The following TEX14 variants were observed in gnomAD, a reference collection of about 807,000 sequenced individuals.
TEX14 encodes the protein inactive serine/threonine-protein kinase TEX14.
A neutral mutation model predicts 178.6 loss-of-function variants in TEX14; 168 were observed. That is an observed-to-expected ratio of 0.94 (90% confidence interval 0.83 to 1.07). TEX14 has a LOEUF of 1.07. Ranked by LOEUF, TEX14 falls within the 50% of genes least tolerant of loss-of-function variation. The probability of loss-of-function intolerance (pLI) is 0.00; values close to 1 mark genes in which losing one functional copy is unlikely to be tolerated. For synonymous variants in TEX14, 626 were observed against 634.1 expected (o/e 0.99, Z 0.19); for missense variants, 1,730 against 1,753.6 (o/e 0.99, Z 0.24).
chr17:58,608,530 C>A (rs1375024408), intron 10 of TEX14, among the ~76,000 whole-genome samples: 1 of 152,152 alleles, frequency 6.6e-6, no homozygotes, highest in Non-Finnish European at 1.5e-5. Context: ...GAGCCGAGAT[C>A]GTGCCACTGC....
intron 19 of TEX14, chr17:58,581,534 A>G (rs1466788512): frequency 1.3e-6 from 2 of 1,513,968 alleles, no homozygotes; most frequent in African/African-American, 1.4e-5. Context: ...TTGATATGTA[A>G]GCTATTTTTC....
chr17:58,655,611 C>T (rs1251151872), intron 1 of TEX14, among the ~76,000 whole-genome samples: 1 of 152,156 alleles, frequency 6.6e-6, no homozygotes, highest in Non-Finnish European at 1.5e-5. Flanking sequence ...TGAGCCACCG[C>T]ACCTGGCCAA....
rs776809470 is a variant in TEX14, at chr17:58,561,610, G to A, written c.4067C>T (p.Ala1356Val). The change falls in exon 29 of 32, where the codon GCT becomes GTT. Residue 1356 changes from alanine to valine, a missense_variant and splice_region_variant. Ala to Val is a moderately conservative substitution (Grantham distance 64). Coordinates refer to ENST00000349033, the MANE Select transcript of TEX14 (RefSeq NM_031272.5). ...CAGGTCCTCATCCAGAGTAGAGTGA[G>A]CTCTGTTTAAGGACAAGTGAAGAGA... is the stretch of plus-strand genomic sequence containing the variant. ...TEDLGEDTER[A>V]HSTLDEDLER... The A allele has an allele frequency of 6.2e-6, 10 of 1,609,998 alleles. No homozygotes were observed. Among genetic ancestry groups the A allele is most frequent in the Non-Finnish European group, 8.5e-6 (10 of 1,176,248 alleles).
At chr17:58,558,404 G>A (rs116372638) in intron 30 of TEX14, among the ~76,000 whole-genome samples, 1 of 152,312 alleles carries the variant, frequency 6.6e-6, no homozygotes, top group African/African-American at 2.4e-5. Context: ...CGCACTTGTG[G>A]AGAGACACCA....
At chr17:58,613,573 G>A in intron 8 of TEX14, 29 bp from the exon 9 acceptor site, 2 of 1,612,226 alleles carry the variant, frequency 1.2e-6, no homozygotes, top group Non-Finnish European at 1.7e-6. Flanking sequence ...TTCAGATAAG[G>A]CAGGTGAGAG....
At chr17:58,583,696 C>T (rs954880973) in intron 19 of TEX14, among the ~76,000 whole-genome samples, 3 of 152,156 alleles carry the variant, frequency 2.0e-5, no homozygotes, top group African/African-American at 2.4e-5. Flanking sequence ...TCCTGGCCTC[C>T]GGCAGACATT....
chr17:58,644,689 C>T (rs2046657110), intron 2 of TEX14, among the ~76,000 whole-genome samples: 1 of 133,628 alleles, frequency 7.5e-6, no homozygotes, highest in African/African-American at 2.9e-5. Flanking sequence ...CTCTTTTGCC[C>T]AGGCTAGAGT....
chr17:58,678,347 A>G (rs544019052), intron 1 of TEX14, among the ~76,000 whole-genome samples: 1 of 152,312 alleles, frequency 6.6e-6, no homozygotes, highest in South Asian at 2.1e-4. Context: ...AGGATTATAA[A>G]TCATGCTACT....
chr17:58,592,336 T>C (rs1293471469), intron 15 of TEX14, among the ~76,000 whole-genome samples: 1 of 151,122 alleles, frequency 6.6e-6, no homozygotes, highest in Non-Finnish European at 1.5e-5. Context: ...TTCGAGTGAT[T>C]CTTTTTTTTT....
At position 58,630,546 on chromosome 17, in the gene TEX14, C is replaced by T; in HGVS notation, c.145G>A (p.Val49Ile). 6.2e-7 allele frequency: 1 copy of T among 1,611,724 alleles called. No individual in the cohort carries two copies. The highest frequency in any genetic ancestry group is 8.5e-7 in the Non-Finnish European group (1 of 1,177,952). Residue 49 changes from valine (V) to isoleucine (I), a missense_variant, in exon 3 of 32, where the codon GTT (valine) becomes ATT (isoleucine). Physicochemically the swap from Val to Ile is conservative, Grantham distance 29. Around this residue, in one of 2 missense-constraint regions of TEX14, gnomAD observed 789 missense variants for 681.2 expected, o/e 1.16. Coordinates refer to ENST00000349033, the MANE Select transcript of TEX14 (RefSeq NM_031272.5). ...VKKILKKGIY[V>I]DAVNSLGQTA... Reference sequence around the variant, plus strand: ...TGGCCCAAGGAGTTAACTGCATCAACATAAATTCCTGCAAAGGAAATATCA... The same window carrying T: ...TGGCCCAAGGAGTTAACTGCATCAATATAAATTCCTGCAAAGGAAATATCA...
chr17:58,605,034 G>T lies in TEX14; in HGVS notation c.1280C>A (p.Ala427Asp). 1 of 1,614,114 alleles carries T rather than the reference G, an allele frequency of 6.2e-7. No individual in the cohort carries two copies. The highest frequency in any genetic ancestry group is 8.5e-7 in the Non-Finnish European group (1 of 1,180,014). The change falls in exon 11 of 32, where the codon GCC becomes GAC. Residue 427 changes from alanine to aspartate, a missense_variant. Physicochemically the swap from Ala to Asp is moderately radical, Grantham distance 126. Around this residue, in one of 2 missense-constraint regions of TEX14, gnomAD observed 789 missense variants for 681.2 expected, o/e 1.16. Coordinates refer to ENST00000349033, the MANE Select transcript of TEX14 (RefSeq NM_031272.5). ...GCTGTAGATGTCTGATTTCACTGTG[G>T]CTGCCTTCTGTAAGATCACTTCTGG... is the stretch of plus-strand genomic sequence containing the variant. ...AAPEVILQKA[A>D]TVKSDIYSFS... is the part of the protein sequence containing the mutation.
At chr17:58,631,612 T>C (rs1175237202) in intron 2 of TEX14, 4 of 147,848 alleles carry the variant, frequency 2.7e-5, no homozygotes, top group African/African-American at 9.7e-5. Context: ...CCAACTACTA[T>C]TAACATCTGA....
At chr17:58,665,601 A>G (rs1022673755) in intron 1 of TEX14, among the ~76,000 whole-genome samples, 1 of 151,716 alleles carries the variant, frequency 6.6e-6, no homozygotes, top group Non-Finnish European at 1.5e-5. Flanking sequence ...GTCTCATAAA[A>G]AACAAAAAAC....
In TEX14 at chr17:58,569,177, T is replaced by A. The variant is rs1431127442; in HGVS notation, c.3886+15A>T. 6.2e-7 allele frequency: 1 copy of A among 1,608,102 alleles called. No individual in the cohort carries two copies. Among genetic ancestry groups the A allele is most frequent in the Non-Finnish European group, 8.5e-7 (1 of 1,174,552 alleles). On this transcript the variant is annotated intron_variant, in intron 26 of 31. Coordinates refer to ENST00000349033, the MANE Select transcript of TEX14 (RefSeq NM_031272.5). This position sits in a 1 kb window ranked among gnomAD's most constrained non-coding sequence, Gnocchi z 4.1. ...ACAGGGCCGAGAAGTATATTCTGTA[T>A]TGAACATCTCTTACCAATGTCATCA...
rs546817956 is a variant in TEX14, at chr17:58,608,459, G to A, written c.1184+2702C>T. The stretch of plus-strand genomic sequence containing the variant: ...TAGCTGGATGTGGTGGCATGTGCCT[G>A]TAGTCCCAGCTACTCAGGAAGCTGA... On this transcript the variant is annotated intron_variant, in intron 10 of 31. Transcript: ENST00000349033. Among the ~76,000 whole-genome samples, 48 of 150,824 alleles carry A rather than the reference G, an allele frequency of 3.2e-4. No individual in the cohort carries two copies. The Middle Eastern group carries it at 0.01, about 33-fold the overall frequency.
At chr17:58,603,186 C>G (rs2045507075) in intron 11 of TEX14, among the ~76,000 whole-genome samples, 1 of 151,948 alleles carries the variant, frequency 6.6e-6, no homozygotes, top group Non-Finnish European at 1.5e-5. Context: ...CACATGGGCT[C>G]CCCGCTGGCA....
intron 20 of TEX14, among the ~76,000 whole-genome samples, 175 bp downstream of exon 20, chr17:58,579,490 G>A (rs2044759259): frequency 6.6e-6 from 1 of 152,192 alleles, no homozygotes; most frequent in East Asian, 1.9e-4. Flanking sequence ...TTGGTGAGGA[G>A]GAAGGGATTT....
chr17:58,660,913 T>G lies in TEX14; in HGVS notation c.-1-8911A>C, dbSNP rs915167993. The G allele has an allele frequency of 8.2e-6, 7 of 854,570 alleles. No homozygotes were observed. The African/African-American group carries it at 1.2e-4, about 14-fold the overall frequency. The allele number at this position is 854,570 out of a possible 1,614,324, so 52.9% of individuals were successfully genotyped here. On this transcript the variant is annotated intron_variant, in intron 1 of 31. Coordinates refer to ENST00000349033, the MANE Select transcript of TEX14 (RefSeq NM_031272.5). ...TCTGGTGACATGAGTTAGAAGTGGA[T>G]GCCTCTCTTGAAGAGTCTTTCTCTC... is the stretch of plus-strand genomic sequence containing the variant.
intron 28 of TEX14, among the ~76,000 whole-genome samples, chr17:58,564,640 A>C (rs2044358578): frequency 6.6e-6 from 1 of 152,218 alleles, no homozygotes; most frequent in Admixed American, 6.5e-5. Context: ...GCACTTAAAA[A>C]TGGTTAAGAT....
Sources: gnomAD v4.1 joint callset for allele counts (sites outside exome capture counted in the v4.1 genomes callset) on GRCh38, gnomAD v4.1.1 for gene constraint, gnomAD v4.1.1 regional missense constraint, Gnocchi (gnomAD v3.1) non-coding constraint, MANE v1.5 for transcripts, NCBI Gene and HGNC (gene_info 2026-07-23, HGNC 2026-07-21) for gene names.